SNED1: variants seen among roughly 807,000 people sequenced by gnomAD.
SNED1 encodes sushi, nidogen and EGF-like domain-containing protein 1.
SNED1 carries 81 observed loss-of-function variants against 166.7 expected under a neutral mutation model. That is an observed-to-expected ratio of 0.49 (90% CI 0.41 to 0.58). The LOEUF (loss-of-function observed/expected upper bound fraction) is 0.58. SNED1 is among the 20% of genes least tolerant of loss of function. The pLI, the probability that SNED1 is intolerant of heterozygous loss-of-function variation, is 0.00. For missense variants in SNED1, 1,604 were observed against 2,000.2 expected (o/e 0.80, Z 3.78); for synonymous variants, 762 against 822.0 (o/e 0.93, Z 1.25).
At chr2:241,016,188 A>AT (rs1181068532) in intron 1 of SNED1, among the ~76,000 whole-genome samples, 13,349 of 68,676 alleles carry the variant, frequency 0.19, 3,507 homozygotes, top group Non-Finnish European at 0.27. Flanking sequence ...GTCATGGTGG[A>AT]TTTTTTTTTT....
intron 1 of SNED1, among the ~76,000 whole-genome samples, chr2:241,005,395 G>A (rs2060195986): frequency 6.6e-6 from 1 of 151,894 alleles, no homozygotes; most frequent in East Asian, 1.9e-4. Flanking sequence ...GTAGAGATGA[G>A]GTTTCACCAT....
Position 241,033,807 on chromosome 2 carries a change from G to T in SNED1, c.574G>T (p.Val192Leu). The T allele has an allele frequency of 1.2e-6, 2 of 1,610,952 alleles. No homozygotes were observed. The highest frequency in any genetic ancestry group is 2.2e-5 in the South Asian group (2 of 90,482). ...SFTIFNYESI[V>L]WTTGTHASSG... ...CACCATCTTCAACTATGAGTCCATC[G>T]TGTGGACCACAGGCACACACGCCAG... The change falls in exon 3 of 32, where the codon GTG becomes TTG. Residue 192 changes from valine to leucine, a missense_variant. By Grantham distance (32) the Val-to-Leu change is conservative. Coordinates refer to ENST00000310397, the MANE Select transcript of SNED1 (RefSeq NM_001080437.3).
intron 29 of SNED1, among the ~76,000 whole-genome samples, chr2:241,086,621 A>G (rs993701564): frequency 7.9e-5 from 12 of 152,294 alleles, no homozygotes; most frequent in Non-Finnish European, 1.5e-4. Context: ...GGTTGTTCAC[A>G]TTGGGAGGTT....
chr2:241,088,121 C>A, intron 30 of SNED1: 1 of 531,816 alleles, frequency 1.9e-6, no homozygotes. Context: ...TCCTCTCTCT[C>A]TCTGACTCAC....
At chr2:241,074,580 T>G (rs2062930607) in intron 27 of SNED1, 1 of 152,192 alleles carries the variant, frequency 6.6e-6, no homozygotes, top group Non-Finnish European at 1.5e-5. Context: ...AGATTCAAGA[T>G]GACCCCCGGG....
intron 2 of SNED1, among the ~76,000 whole-genome samples, chr2:241,031,115 C>G (rs557276695): frequency 6.6e-6 from 1 of 152,080 alleles, no homozygotes; most frequent in Non-Finnish European, 1.5e-5. Context: ...AGAAAAGAGG[C>G]GCTGGGTGCA....
chr2:241,083,193 C>G (rs1317274908), intron 29 of SNED1, among the ~76,000 whole-genome samples: 2 of 152,186 alleles, frequency 1.3e-5, no homozygotes, highest in African/African-American at 4.8e-5. Context: ...AGAGGGCAGC[C>G]TCCTGGGGAG....
rs562916637 is a variant in SNED1 at position 241,005,551 on chromosome 2, C to G, written c.213+6501C>G. Among the ~76,000 whole-genome samples, 40 of 152,140 alleles carry G rather than the reference C, an allele frequency of 2.6e-4. No individual in the cohort carries two copies. The East Asian group carries it at 4.4e-3, about 17-fold the overall frequency. ...TTTCCTTCTGCTTGAAGGACTTCCT[C>G]TAATATTTCTTATAGTGTAGACCTG... On this transcript the variant is annotated intron_variant, in intron 1 of 31. Transcript: ENST00000310397.
Position 241,051,759 on chromosome 2 carries a change from G to A in SNED1, c.1751G>A (p.Cys584Tyr). 6.5e-7 allele frequency: 1 copy of A among 1,528,756 alleles called. No homozygotes were observed. The highest frequency in any genetic ancestry group is 8.8e-7 in the Non-Finnish European group (1 of 1,136,438). 94.7% of individuals were successfully genotyped at this position (1,528,756 alleles called of 1,614,324 possible). A position where few individuals can be genotyped will look rare whatever the true frequency, so the allele number is the denominator to read the frequency against. Residue 584 changes from cysteine (C) to tyrosine (Y), a missense_variant, in exon 13 of 32, where the codon TGC becomes TAC. Transcript: ENST00000310397. The surrounding 1 kb of genome is among the most constrained non-coding windows in gnomAD (Gnocchi z 4.7). ...KHCEKARPHLCSSGPCRNGGT... is the reference protein window; with the variant it reads ...KHCEKARPHLYSSGPCRNGGT... ...TTCCACACAGCCCGGCCACACCTGT[G>A]CAGCTCAGGGCCCTGCCGGAACGGG...
In SNED1 at chr2:241,052,031, C is replaced by G. The variant is rs938731989; in HGVS notation, c.1853-10C>G. On this transcript the variant is annotated splice_polypyrimidine_tract_variant and intron_variant, in intron 13 of 31. Transcript: ENST00000310397. ...GTGGGCTGTGACCCTGACCTGGCTT[C>G]TGTTTCCAGGGAAGCCAGACTCGTG... The G allele has an allele frequency of 1.2e-6, 2 of 1,612,796 alleles. No homozygotes were observed. The highest frequency in any genetic ancestry group is 2.7e-5 in the African/African-American group (2 of 74,910).
chr2:241,033,982 A>G, intron 3 of SNED1, 107 bp downstream of exon 3: 1 of 1,341,858 alleles, frequency 7.5e-7, no homozygotes, highest in Non-Finnish European at 1.0e-6. Flanking sequence ...CAGATCCCCC[A>G]GTACCGTGCA....
rs1273003769 is a variant in SNED1 at position 241,051,228 on chromosome 2, G to A, written c.1736-516G>A. The A allele has an allele frequency of 6.5e-6, 1 of 152,960 alleles. No individual in the cohort carries two copies. The highest frequency in any genetic ancestry group is 2.4e-5 in the African/African-American group (1 of 41,492). The allele number at this position is 152,960 out of a possible 1,614,324, so 9.5% of individuals were successfully genotyped here. On this transcript the variant is annotated intron_variant, in intron 12 of 31. Transcript: ENST00000310397. This position sits in a 1 kb window ranked among gnomAD's most constrained non-coding sequence, Gnocchi z 4.7. ...TGGTTTCGCAGACACCTTTAAATAT[G>A]TGCTTGCCTCAAGCACAGGCCCGGC... is the stretch of plus-strand genomic sequence containing the variant.
chr2:241,016,287 C>T (rs889162484), intron 1 of SNED1, among the ~76,000 whole-genome samples: 4 of 150,528 alleles, frequency 2.7e-5, no homozygotes, highest in Non-Finnish European at 5.9e-5. Flanking sequence ...CTCCACCACC[C>T]GGGGTTCACG....
chr2:241,078,382 C>CAAAA (rs60965517), intron 27 of SNED1, among the ~76,000 whole-genome samples: 4 of 116,170 alleles, frequency 3.4e-5, no homozygotes, highest in Admixed American at 8.6e-5. Context: ...GACTCCGTCT[C>CAAAA]AAAAAAAAAA....
Position 241,052,367 on chromosome 2 carries a change from G to A in SNED1, c.1982G>A (p.Cys661Tyr). The stretch of plus-strand genomic sequence containing the variant: ...TGCATTCTGGCAGCCCCCTCCCCCT[G>A]CTTCCGGAGCCCGTGTGTGAATGGG... ...GRHCEIAPSPCFRSPCVNGGT... is the reference protein window; with the variant it reads ...GRHCEIAPSPYFRSPCVNGGT... Residue 661 changes from cysteine (C) to tyrosine (Y), a missense_variant, in exon 15 of 32, where the codon TGC becomes TAC. Coordinates refer to ENST00000310397, the MANE Select transcript of SNED1 (RefSeq NM_001080437.3). 4 of 1,575,676 alleles carry A rather than the reference G, an allele frequency of 2.5e-6. No individual in the cohort carries two copies. The highest frequency in any genetic ancestry group is 2.6e-6 in the Non-Finnish European group (3 of 1,159,762).
At chr2:241,065,017 G>GGA in intron 20 of SNED1, 60 bp downstream of exon 20, 1 of 1,301,694 alleles carries the variant, frequency 7.7e-7, no homozygotes, top group Non-Finnish European at 1.0e-6. Context: ...TCCCTAGAGG[G>GGA]CCCAACGGTC....
At position 241,052,068 on chromosome 2, in the gene SNED1, CCT is replaced by C; in HGVS notation, c.1881_1882del (p.Cys628SerfsTer16). The C allele has an allele frequency of 1.2e-6, 2 of 1,613,916 alleles. No homozygotes were observed. Among genetic ancestry groups the C allele is most frequent in the Non-Finnish European group, 1.7e-6 (2 of 1,179,854 alleles). On this transcript the variant is annotated frameshift_variant, in exon 14 of 32. Transcript: ENST00000310397. LOFTEE classifies it high-confidence loss of function. ...AAGCCAGACTCGTGTGCCTCTGGCC[CCT>C]GTCACAACGGCGGCACCTGCTTCCA...
At chr2:241,045,820 T>G (rs1433243820) in intron 8 of SNED1, among the ~76,000 whole-genome samples, 1 of 151,812 alleles carries the variant, frequency 6.6e-6, no homozygotes, top group Non-Finnish European at 1.5e-5. Flanking sequence ...TTCATCAAAA[T>G]TTAAAACTTT....
chr2:241,070,279 T>C (rs938483260), intron 24 of SNED1, 78 bp downstream of exon 24: 31 of 1,414,566 alleles, frequency 2.2e-5, no homozygotes, highest in Non-Finnish European at 2.6e-5. Flanking sequence ...GACCTGGCCC[T>C]GCAGGGGCCT....
Sources: gnomAD v4.1 joint callset for allele counts (sites outside exome capture counted in the v4.1 genomes callset) on GRCh38, gnomAD v4.1.1 for gene constraint, Gnocchi (gnomAD v3.1) non-coding constraint, MANE v1.5 for transcripts, NCBI Gene and HGNC (gene_info 2026-07-23, HGNC 2026-07-21) for gene names.